The following SLC24A2 variants were observed in gnomAD, a reference collection of about 807,000 sequenced individuals.
SLC24A2 encodes the protein sodium/potassium/calcium exchanger 2.
A neutral mutation model predicts 62.0 loss-of-function variants in SLC24A2; 36 were observed. The ratio of observed to expected loss-of-function variants is 0.58; its 90% CI spans 0.44 to 0.77. The LOEUF (loss-of-function observed/expected upper bound fraction) is 0.77. SLC24A2 is among the 30% of genes least tolerant of loss of function. The pLI is 0.00. For synonymous variants in SLC24A2, 358 were observed against 294.0 expected (o/e 1.22, Z -2.23); for missense variants, 846 against 817.9 (o/e 1.03, Z -0.42).
At chr9:19,777,922 A>C (rs983806681) in intron 2 of SLC24A2, among the ~76,000 whole-genome samples, 6 of 152,186 alleles carry the variant, frequency 3.9e-5, no homozygotes, top group African/African-American at 9.6e-5. Flanking sequence ...TTAAAAGGCA[A>C]ACCTAAAATT....
the SLC24A2 span, among the ~76,000 whole-genome samples, chr9:19,939,517 G>A: frequency 9.2e-5 from 14 of 152,188 alleles, no homozygotes; most frequent in South Asian, 2.1e-3. Flanking sequence ...CGCTTACCAC[G>A]CCTGGAGCTT....
chr9:19,664,847 G>T (rs934579828), intron 2 of SLC24A2, among the ~76,000 whole-genome samples: 1 of 152,154 alleles, frequency 6.6e-6, no homozygotes, highest in Non-Finnish European at 1.5e-5. Context: ...AAGAGGCAAG[G>T]AAGGGTCCCT....
chr9:19,832,572 C>T, the SLC24A2 span, among the ~76,000 whole-genome samples: 1 of 152,098 alleles, frequency 6.6e-6, no homozygotes, highest in African/African-American at 2.4e-5. Context: ...CTTCCTTACA[C>T]CTTATACAAA....
intron 2 of SLC24A2, among the ~76,000 whole-genome samples, chr9:19,663,419 C>T (rs1819159436): frequency 6.6e-6 from 1 of 152,174 alleles, no homozygotes; most frequent in African/African-American, 2.4e-5. Flanking sequence ...AATGCATAGC[C>T]ACAGGTCTTT....
At chr9:19,590,587 T>C (rs976317685) in intron 5 of SLC24A2, among the ~76,000 whole-genome samples, 1 of 152,190 alleles carries the variant, frequency 6.6e-6, no homozygotes, top group African/African-American at 2.4e-5. Context: ...CATTCATTCC[T>C]GAAGATCGTA....
At chr9:20,048,817 T>A in the SLC24A2 span, among the ~76,000 whole-genome samples, 1 of 151,994 alleles carries the variant, frequency 6.6e-6, no homozygotes, top group African/African-American at 2.4e-5. Flanking sequence ...TTAAAAATCT[T>A]CCCAGAAAAA....
the SLC24A2 span, among the ~76,000 whole-genome samples, chr9:20,031,947 T>C: frequency 1.3e-5 from 2 of 152,164 alleles, no homozygotes; most frequent in African/African-American, 4.8e-5. Context: ...GATATCAAAA[T>C]ATCAATATGA....
intron 1 of SLC24A2, among the ~76,000 whole-genome samples, chr9:19,788,061 T>A (rs902147833): frequency 6.6e-6 from 1 of 152,224 alleles, no homozygotes; most frequent in Non-Finnish European, 1.5e-5. Flanking sequence ...TATCAACGAT[T>A]TCATTTTGGA....
chr9:20,252,531 C>T, the SLC24A2 span, among the ~76,000 whole-genome samples: 1 of 152,176 alleles, frequency 6.6e-6, no homozygotes, highest in Non-Finnish European at 1.5e-5. Flanking sequence ...GGATAGAGCA[C>T]TTGTTTCCAA....
At chr9:19,830,548 C>A in the SLC24A2 span, among the ~76,000 whole-genome samples, 1 of 152,010 alleles carries the variant, frequency 6.6e-6, no homozygotes, top group South Asian at 2.1e-4. Context: ...TCATTCGAAA[C>A]CTCAATCCAC....
At chr9:19,625,656 T>C (rs1385115115) in intron 2 of SLC24A2, among the ~76,000 whole-genome samples, 1 of 151,740 alleles carries the variant, frequency 6.6e-6, no homozygotes, top group Non-Finnish European at 1.5e-5. Flanking sequence ...CTATTGTCCT[T>C]CCTGGTGGAA....
intron 9 of SLC24A2, among the ~76,000 whole-genome samples, chr9:19,523,581 G>C (rs902666917): frequency 1.3e-5 from 2 of 152,024 alleles, no homozygotes; most frequent in African/African-American, 4.8e-5. Flanking sequence ...TCCTGCCTCA[G>C]CCTCCCAAGT....
At chr9:20,146,474 C>G in the SLC24A2 span, among the ~76,000 whole-genome samples, 1 of 152,024 alleles carries the variant, frequency 6.6e-6, no homozygotes. Flanking sequence ...GATCCTGATT[C>G]TATGCTCACT....
At chr9:20,197,474 C>A in the SLC24A2 span, among the ~76,000 whole-genome samples, 1 of 147,368 alleles carries the variant, frequency 6.8e-6, no homozygotes, top group African/African-American at 2.5e-5. Context: ...CTCTGTTACC[C>A]AGGCTAGAAT....
chr9:19,752,565 A>G (rs1822017413), intron 2 of SLC24A2, among the ~76,000 whole-genome samples: 1 of 110,050 alleles, frequency 9.1e-6, no homozygotes, highest in African/African-American at 3.0e-5. Flanking sequence ...GCGCCATCAC[A>G]CTTGGAAAAC....
At chr9:20,188,282 C>T in the SLC24A2 span, among the ~76,000 whole-genome samples, 1,748 of 152,240 alleles carry the variant, frequency 0.011, 18 homozygotes, top group Non-Finnish European at 0.019. Context: ...TCTTGGGTGC[C>T]ATCATGAGGT....
At chr9:20,297,960 A>C in the SLC24A2 span, among the ~76,000 whole-genome samples, 1 of 152,070 alleles carries the variant, frequency 6.6e-6, no homozygotes, top group Admixed American at 6.5e-5. Context: ...CCTGATTTTA[A>C]CCCTCCTTGG....
chr9:20,102,785 T>C, the SLC24A2 span, among the ~76,000 whole-genome samples: 1 of 152,092 alleles, frequency 6.6e-6, no homozygotes, highest in East Asian at 1.9e-4. Flanking sequence ...AGACGGGTGA[T>C]TTCTGCATTT....
chr9:20,081,309 T>C, the SLC24A2 span, among the ~76,000 whole-genome samples: 1 of 151,842 alleles, frequency 6.6e-6, no homozygotes, highest in African/African-American at 2.4e-5. Context: ...TAAAAAATGA[T>C]GAGTTCATGT....
Sources: allele counts gnomAD v4.1 joint callset (sites outside exome capture counted in the v4.1 genomes callset), GRCh38; gene constraint gnomAD v4.1.1; transcripts MANE v1.5; gene names NCBI Gene and HGNC (gene_info 2026-07-23, HGNC 2026-07-21).